ABAT: variants seen among roughly 807,000 people sequenced by gnomAD.
ABAT encodes 4-aminobutyrate aminotransferase, mitochondrial.
Under a neutral mutation model 64.6 loss-of-function variants are expected in ABAT, and 45 were observed. The observed-to-expected ratio is 0.70, with a 90% CI of 0.55 to 0.89. The LOEUF is 0.89. Ranked by LOEUF, ABAT falls within the 40% of genes least tolerant of loss-of-function variation. The pLI is 0.00. For synonymous variants in ABAT, 297 were observed against 250.5 expected, an observed-to-expected ratio of 1.19 and a Z score of -1.75; for missense variants, 633 against 658.4, an observed-to-expected ratio of 0.96 and a Z score of 0.42.
intron 1 of ABAT, chr16:8,712,842 A>G (rs1047428910): frequency 3.3e-5 from 5 of 152,234 alleles, no homozygotes; most frequent in Admixed American, 1.3e-4. Flanking sequence ...ACGGTGATTT[A>G]GAACCAGTGT....
chr16:8,754,248 G>A (rs1731020), intron 5 of ABAT, among the ~76,000 whole-genome samples: 132,985 of 139,338 alleles, frequency 0.95, 63,758 homozygotes, highest in East Asian at 1. Flanking sequence ...CCAGCTATTC[G>A]GGAGGCTGAA....
In ABAT at chr16:8,764,399, C is replaced by G. The variant is rs974346501; in HGVS notation, c.447+250C>G. 1.8e-4 allele frequency among the ~76,000 whole-genome samples: 28 copies of G among 152,186 alleles called. No homozygotes were observed. Among genetic ancestry groups the G allele is most frequent in the Non-Finnish European group, 2.2e-4 (15 of 68,034 alleles). ...GGAGCCTTGCATATGTCATTCAATC[C>G]TGCCCCCACTTCTCGGTTTTAGTTA... On this transcript the variant is annotated intron_variant, in intron 7 of 15. Transcript: ENST00000268251. This position sits in a 1 kb window ranked among gnomAD's most constrained non-coding sequence, Gnocchi z 4.2.
chr16:8,702,237 A>AAG (rs910516346), intron 1 of ABAT, among the ~76,000 whole-genome samples: 1 of 151,532 alleles, frequency 6.6e-6, no homozygotes, highest in African/African-American at 2.4e-5. Context: ...GAGCAGGAGG[A>AAG]AGAGAGAGAG....
chr16:8,692,917 A>C (rs895165332), intron 1 of ABAT, among the ~76,000 whole-genome samples: 1 of 152,114 alleles, frequency 6.6e-6, no homozygotes, highest in Non-Finnish European at 1.5e-5. Context: ...GCAGTGGTGC[A>C]ATCTCAGCTC....
intron 2 of ABAT, among the ~76,000 whole-genome samples, chr16:8,744,249 G>C (rs886886732): frequency 6.6e-6 from 1 of 152,140 alleles, no homozygotes; most frequent in Non-Finnish European, 1.5e-5. Context: ...CATGATGCTG[G>C]CATGTGCTCA....
chr16:8,745,907 C>T lies in ABAT; in HGVS notation c.71-94C>T. On this transcript the variant is annotated intron_variant, in intron 2 of 15. Coordinates refer to ENST00000268251, the MANE Select transcript of ABAT (RefSeq NM_020686.6). ...CTGGGATGAGGCTAAGGTCCTGGCA[C>T]TACCTCTGTTAGGGACATTGGGCAT... 4 of 1,238,306 alleles carry T rather than the reference C, an allele frequency of 3.2e-6. No individual in the cohort carries two copies. The South Asian group carries it at 4.9e-5, about 15-fold the overall frequency. The allele number at this position is 1,238,306 out of a possible 1,614,324, so 76.7% of individuals were successfully genotyped here.
At chr16:8,753,566 CT>C (rs530431707) in intron 5 of ABAT, among the ~76,000 whole-genome samples, 73 of 152,326 alleles carry the variant, frequency 4.8e-4, no homozygotes, top group Non-Finnish European at 9.3e-4. Context: ...ACATCTGAGG[CT>C]TAATGAGGTC....
chr16:8,677,028 C>A (rs536094403), intron 1 of ABAT, among the ~76,000 whole-genome samples: 2 of 152,232 alleles, frequency 1.3e-5, no homozygotes, highest in African/African-American at 4.8e-5. Flanking sequence ...TTTGCCAAGG[C>A]GAAGTTCAAA....
At position 8,723,536 on chromosome 16, in the gene ABAT, G is replaced by A. The variant is rs147876000; in HGVS notation, c.-41-12163G>A. 2.6e-5 allele frequency among the ~76,000 whole-genome samples: 4 copies of A among 152,246 alleles called. No individual in the cohort carries two copies. The East Asian group carries it at 5.8e-4, about 22-fold the overall frequency. On this transcript the variant is annotated intron_variant, in intron 1 of 15. Transcript: ENST00000268251. ...ACTCCAGAAATCTCCAGGGATCTCA[G>A]ACCATAGGGCTCTAGAATCAATGAC...
chr16:8,761,416 A>C (rs1191908047), intron 6 of ABAT, among the ~76,000 whole-genome samples: 1 of 152,192 alleles, frequency 6.6e-6, no homozygotes, highest in African/African-American at 2.4e-5. Context: ...TCAAATGCTA[A>C]GCCCTTGGAG....
Position 8,781,187 on chromosome 16 carries a change from G to A in ABAT, c.1382-122G>A. The A allele has an allele frequency of 6.9e-7, 1 of 1,449,986 alleles. No individual in the cohort carries two copies. Among genetic ancestry groups the A allele is most frequent in the Non-Finnish European group, 9.5e-7 (1 of 1,054,474 alleles). The allele number at this position is 1,449,986 out of a possible 1,614,324, so 89.8% of individuals were successfully genotyped here. The stretch of plus-strand genomic sequence containing the variant: ...GGAAGCCCGGGCTTCCATGATGGAG[G>A]ATGATGGATGGATGGATGGATGGAT... On this transcript the variant is annotated intron_variant, in intron 15 of 15. Transcript: ENST00000268251. The surrounding 1 kb of genome is among the most constrained non-coding windows in gnomAD (Gnocchi z 4.5).
In ABAT at chr16:8,784,128, C is replaced by T. The variant is rs922229332; in HGVS notation, c.*2698C>T. On this transcript the variant is annotated 3_prime_UTR_variant, in exon 16 of 16. Transcript: ENST00000268251. ...GGCAGAGGCCATGAAGAAGTGCTTC[C>T]GTGGCCGACAGTCTGGAAATGAATC... 2.6e-5 allele frequency: 4 copies of T among 152,598 alleles called. No homozygotes were observed. The highest frequency in any genetic ancestry group is 9.7e-5 in the African/African-American group (4 of 41,440). 9.5% of individuals were successfully genotyped at this position (152,598 alleles called of 1,614,324 possible). A position where few individuals can be genotyped will look rare whatever the true frequency, so the allele number is the denominator to read the frequency against.
At chr16:8,733,695 G>C (rs982807924) in intron 1 of ABAT, among the ~76,000 whole-genome samples, 4 of 151,874 alleles carry the variant, frequency 2.6e-5, no homozygotes, top group East Asian at 1.9e-4. Context: ...GCGGCGTGAG[G>C]CTGCAATCGC....
At chr16:8,774,727 G>GT (rs921993670) in intron 12 of ABAT, among the ~76,000 whole-genome samples, 163 bp from the exon 13 acceptor site, 27 of 152,176 alleles carry the variant, frequency 1.8e-4, no homozygotes, top group South Asian at 8.3e-4. Flanking sequence ...GTTTTGATTA[G>GT]TTTTTTTTGT....
chr16:8,737,934 AGAAAGGAAAGG>A lies in ABAT; in HGVS notation c.70+2126_70+2136del, dbSNP rs1319344881. Among the ~76,000 whole-genome samples the A allele has an allele frequency of 8.3e-5, 7 of 84,148 alleles. No individual in the cohort carries two copies. The East Asian group carries it at 1.5e-3, about 19-fold the overall frequency. 55.2% of individuals were successfully genotyped at this position (84,148 alleles called of 152,430 possible). On this transcript the variant is annotated intron_variant, in intron 2 of 15. Transcript: ENST00000268251. The stretch of plus-strand genomic sequence containing the variant: ...CAGACTGAGATTAAAAAAAAAAAAA[AGAAAGGAAAGG>A]AAGAAAGGAAGGAAGGAAGGAAGGA...
At position 8,729,853 on chromosome 16, in the gene ABAT, G is replaced by T. The variant is rs866703382; in HGVS notation, c.-41-5846G>T. The stretch of plus-strand genomic sequence containing the variant: ...TAAAAAAAAAAAAAAAAAAGACCCT[G>T]TTTGAATGCTGGATCATCTCAGTGG... On this transcript the variant is annotated intron_variant, in intron 1 of 15. Transcript: ENST00000268251. 3.2e-3 allele frequency among the ~76,000 whole-genome samples: 419 copies of T among 129,098 alleles called. 1 individual carries two copies. Among genetic ancestry groups the T allele is most frequent in the Admixed American group, 7.4e-3 (95 of 12,826 alleles). 84.7% of individuals were successfully genotyped at this position (129,098 alleles called of 152,430 possible).
At chr16:8,755,988 G>A (rs1259386746) in intron 5 of ABAT, among the ~76,000 whole-genome samples, 2 of 152,124 alleles carry the variant, frequency 1.3e-5, no homozygotes, top group South Asian at 2.1e-4. Context: ...GGCGGAGCTT[G>A]CAGTGAGCCG....
chr16:8,755,038 G>A (rs940752511), intron 5 of ABAT, among the ~76,000 whole-genome samples: 1 of 152,034 alleles, frequency 6.6e-6, no homozygotes, highest in Admixed American at 6.6e-5. Context: ...TTAGTTACTG[G>A]CTTCTTACTC....
chr16:8,774,557 C>T (rs2060210886), intron 12 of ABAT, among the ~76,000 whole-genome samples: 1 of 152,080 alleles, frequency 6.6e-6, no homozygotes, highest in Admixed American at 6.6e-5. Flanking sequence ...CTGTTGGACA[C>T]AGCTCCCTCT....
Sources: gnomAD v4.1 joint callset for allele counts (sites outside exome capture counted in the v4.1 genomes callset) on GRCh38, gnomAD v4.1.1 for gene constraint, Gnocchi (gnomAD v3.1) non-coding constraint, MANE v1.5 for transcripts, NCBI Gene and HGNC (gene_info 2026-07-23, HGNC 2026-07-21) for gene names.